Variants in NYAP2 observed in about 807,000 individuals in gnomAD.
NYAP2 encodes neuronal tyrosine-phosphorylated phosphoinositide-3-kinase adapter 2.
In NYAP2, 23 loss-of-function variants were observed where a neutral mutation model predicts 50.4. The observed-to-expected ratio is 0.46, with a 90% CI of 0.33 to 0.65. The LOEUF (loss-of-function observed/expected upper bound fraction) is 0.65. Ranked by LOEUF, NYAP2 falls within the 30% of genes least tolerant of loss-of-function variation. The pLI, the probability that NYAP2 is intolerant of heterozygous loss-of-function variation, is 0.02. For missense variants in NYAP2, 885 were observed against 861.0 expected (o/e 1.03, Z -0.35); for synonymous variants, 394 against 365.2 (o/e 1.08, Z -0.90).
chr2:225,623,021 G>A (rs140909446), intron 5 of NYAP2, among the ~76,000 whole-genome samples: 184 of 152,140 alleles, frequency 1.2e-3, no homozygotes, highest in Middle Eastern at 3.4e-3. Flanking sequence ...ATAAATTTCC[G>A]AAACATGTTC....
At chr2:225,658,194 A>AGCTT (rs1476502850), downstream of NYAP2, among the ~76,000 whole-genome samples, 17 of 152,248 alleles carry the variant, frequency 1.1e-4, no homozygotes, top group African/African-American at 3.9e-4. Flanking sequence ...ACCACCACAC[A>AGCTT]GCTTCTTTCA....
At chr2:225,586,509 G>A (rs1296097049) in intron 5 of NYAP2, among the ~76,000 whole-genome samples, 3 of 152,140 alleles carry the variant, frequency 2.0e-5, no homozygotes, top group African/African-American at 7.2e-5. Context: ...TGAATGACAT[G>A]AGGCATGTAA....
chr2:225,455,085 GA>G (rs1332723363), intron 3 of NYAP2, among the ~76,000 whole-genome samples: 1 of 151,748 alleles, frequency 6.6e-6, no homozygotes, highest in African/African-American at 2.4e-5. Context: ...CCAGAAATTG[GA>G]AAAGGCAAAA....
chr2:225,457,476 C>T (rs755238816), intron 3 of NYAP2, among the ~76,000 whole-genome samples: 2 of 151,978 alleles, frequency 1.3e-5, no homozygotes, highest in Non-Finnish European at 2.9e-5. Context: ...AATAAAGGAA[C>T]AAAAAGTCTA....
chr2:225,504,217 G>A lies in NYAP2; in HGVS notation c.222-9154G>A, dbSNP rs550130840. On this transcript the variant is annotated intron_variant, in intron 3 of 6. Coordinates refer to ENST00000636099, the Ensembl canonical transcript of NYAP2. ...AGCTTGAGCTGATGGCAGATTCAGT[G>A]TCTGGTGAGGTCCTGCTTCGTGGTT... Among the ~76,000 whole-genome samples the A allele has an allele frequency of 3.3e-5, 5 of 152,296 alleles. No homozygotes were observed. In the South Asian group the frequency reaches 1.0e-3, roughly 32 times the overall value.
chr2:225,416,024 A>G (rs866746280), intron 3 of NYAP2, among the ~76,000 whole-genome samples: 2 of 152,182 alleles, frequency 1.3e-5, no homozygotes, highest in Non-Finnish European at 2.9e-5. Flanking sequence ...GTGCTCAGGC[A>G]GAGAAAACAA....
At chr2:225,548,249 A>G (rs1574671613) in intron 4 of NYAP2, among the ~76,000 whole-genome samples, 1 of 150,938 alleles carries the variant, frequency 6.6e-6, no homozygotes, top group African/African-American at 2.4e-5. Flanking sequence ...TAAAAGCCAC[A>G]TTTTATTCAT....
At chr2:225,558,502 G>A (rs537462568) in intron 4 of NYAP2, among the ~76,000 whole-genome samples, 1 of 152,228 alleles carries the variant, frequency 6.6e-6, no homozygotes, top group East Asian at 1.9e-4. Flanking sequence ...ACATTCTCAT[G>A]TCGCATCTTG....
chr2:225,461,288 G>A (rs1689827341), intron 3 of NYAP2, among the ~76,000 whole-genome samples: 1 of 152,182 alleles, frequency 6.6e-6, no homozygotes, highest in African/African-American at 2.4e-5. Flanking sequence ...ACACAAGTGT[G>A]TAGCACTGAA....
chr2:225,406,916 G>A (rs1694951486), intron 2 of NYAP2, among the ~76,000 whole-genome samples: 1 of 151,874 alleles, frequency 6.6e-6, no homozygotes, highest in African/African-American at 2.4e-5. Flanking sequence ...TTTGGTTGGA[G>A]GAAAACTTAA....
downstream of NYAP2, among the ~76,000 whole-genome samples, chr2:225,657,591 TAA>T (rs78616843): frequency 8.7e-4 from 67 of 77,092 alleles, no homozygotes; most frequent in Non-Finnish European, 1.3e-3. Context: ...AAAACTGCTC[TAA>T]AAAAAAAAAA....
intron 5 of NYAP2, among the ~76,000 whole-genome samples, chr2:225,606,405 G>T (rs539016230): frequency 1.3e-5 from 2 of 152,124 alleles, no homozygotes; most frequent in South Asian, 4.1e-4. Flanking sequence ...TGTGGTAATA[G>T]CCCATGCAAC....
intron 3 of NYAP2, among the ~76,000 whole-genome samples, chr2:225,449,097 T>C (rs1437397235): frequency 6.6e-6 from 1 of 152,220 alleles, no homozygotes; most frequent in East Asian, 1.9e-4. Context: ...TATATATTTA[T>C]TGAGCATCTG....
intron 3 of NYAP2, among the ~76,000 whole-genome samples, chr2:225,447,627 T>C (rs1156593804): frequency 6.6e-6 from 1 of 152,132 alleles, no homozygotes; most frequent in Non-Finnish European, 1.5e-5. Flanking sequence ...GTCAATTCTT[T>C]AAATTAATAT....
chr2:225,594,343 G>A (rs2106237447), intron 5 of NYAP2, among the ~76,000 whole-genome samples: 1 of 152,142 alleles, frequency 6.6e-6, no homozygotes, highest in South Asian at 2.1e-4. Flanking sequence ...GGCCAACGTG[G>A]TGAAACCCTG....
At chr2:225,598,688 G>A (rs1692647665) in intron 5 of NYAP2, among the ~76,000 whole-genome samples, 1 of 152,218 alleles carries the variant, frequency 6.6e-6, no homozygotes, top group Non-Finnish European at 1.5e-5. Flanking sequence ...AGAAGGCAAT[G>A]CATGATAAGT....
Position 225,626,913 on chromosome 2 carries a change from A to G in NYAP2, c.1619-4A>G, listed in dbSNP as rs1047829309. 9 of 1,558,784 alleles carry G rather than the reference A, an allele frequency of 5.8e-6. No individual in the cohort carries two copies. In the African/African-American group the frequency reaches 1.2e-4, roughly 21 times the overall value. On this transcript the variant is annotated splice_polypyrimidine_tract_variant and splice_region_variant and intron_variant, in intron 5 of 6. Coordinates refer to ENST00000636099, the Ensembl canonical transcript of NYAP2. ...AACAGAATGTAATTCTGGTTACTAC[A>G]CAGAATCAACAGAGGAACTGAAAGT...
intron 6 of NYAP2, among the ~76,000 whole-genome samples, chr2:225,630,961 T>C (rs1286583500): frequency 2.0e-5 from 3 of 152,210 alleles, no homozygotes; most frequent in African/African-American, 7.2e-5. Context: ...GTTCAGATTA[T>C]AGATCTGTAG....
intron 4 of NYAP2, among the ~76,000 whole-genome samples, chr2:225,573,359 C>A (rs749824786): frequency 6.7e-6 from 1 of 150,368 alleles, no homozygotes; most frequent in South Asian, 2.1e-4. Context: ...TCAAACAATT[C>A]TCCTTCCTCA....
Sources: gnomAD v4.1 joint callset for allele counts (sites outside exome capture counted in the v4.1 genomes callset) on GRCh38, gnomAD v4.1.1 for gene constraint, MANE v1.5 for transcripts, NCBI Gene and HGNC (gene_info 2026-07-23, HGNC 2026-07-21) for gene names.